The following THSD7A variants were observed in gnomAD, a reference collection of about 807,000 sequenced individuals.
THSD7A encodes thrombospondin type 1 domain containing 7A.
THSD7A carries 96 observed loss-of-function variants against 231.3 expected under a neutral mutation model. That is an observed-to-expected ratio of 0.41 (90% CI 0.35 to 0.49). THSD7A has a LOEUF of 0.49. Among genes scored for constraint, THSD7A ranks in the 20% least tolerant of loss-of-function variants. The pLI is 0.05. For missense variants in THSD7A, 2,290 were observed against 2,070.2 expected (o/e 1.11, Z -2.06); for synonymous variants, 940 against 743.3 (o/e 1.26, Z -4.30).
chr7:11,749,671 G>A (rs983432058), intron 1 of THSD7A, among the ~76,000 whole-genome samples: 1 of 151,954 alleles, frequency 6.6e-6, no homozygotes, highest in Non-Finnish European at 1.5e-5. Flanking sequence ...GTCGTGATAA[G>A]TCCCTTGTAG....
chr7:11,686,362 A>T (rs992923602), intron 1 of THSD7A, among the ~76,000 whole-genome samples: 9 of 151,912 alleles, frequency 5.9e-5, no homozygotes, highest in African/African-American at 1.4e-4. Context: ...GCTATTAAAA[A>T]TTTTAACATA....
At chr7:11,698,177 A>G (rs1157529273) in intron 1 of THSD7A, among the ~76,000 whole-genome samples, 2 of 151,434 alleles carry the variant, frequency 1.3e-5, no homozygotes, top group Non-Finnish European at 3.0e-5. Flanking sequence ...ATTTCTTTGT[A>G]AAATAGTTTC....
chr7:11,734,995 T>C (rs1781863508), intron 1 of THSD7A, among the ~76,000 whole-genome samples: 1 of 151,918 alleles, frequency 6.6e-6, no homozygotes, highest in Admixed American at 6.6e-5. Flanking sequence ...CCTATATAAG[T>C]TGTAACATTT....
chr7:11,517,962 G>T (rs569281814), intron 6 of THSD7A, among the ~76,000 whole-genome samples: 1 of 152,246 alleles, frequency 6.6e-6, no homozygotes, highest in Admixed American at 6.5e-5. Context: ...CAGACACATT[G>T]TCTGCTCAGG....
chr7:11,604,077 A>G (rs2128345844), intron 2 of THSD7A, among the ~76,000 whole-genome samples: 1 of 152,256 alleles, frequency 6.6e-6, no homozygotes, highest in African/African-American at 2.4e-5. Context: ...TGATAACATT[A>G]GTATTTACAA....
At chr7:11,507,533 G>A (rs891691191) in intron 6 of THSD7A, among the ~76,000 whole-genome samples, 8 of 150,316 alleles carry the variant, frequency 5.3e-5, no homozygotes, top group African/African-American at 1.7e-4. Context: ...CCTTATTTAG[G>A]ATTATTTAAT....
chr7:11,618,522 C>A (rs769675975), intron 2 of THSD7A, among the ~76,000 whole-genome samples: 15 of 151,938 alleles, frequency 9.9e-5, no homozygotes, highest in South Asian at 6.2e-4. Context: ...AAGAATAGGG[C>A]GGGGCGCGGT....
At chr7:11,699,665 C>T (rs529375366) in intron 1 of THSD7A, among the ~76,000 whole-genome samples, 1 of 151,360 alleles carries the variant, frequency 6.6e-6, no homozygotes, top group South Asian at 2.1e-4. Flanking sequence ...GTTGCATATA[C>T]ATTTTTTAAG....
At chr7:11,726,904 C>G (rs1415732265) in intron 1 of THSD7A, among the ~76,000 whole-genome samples, 1 of 151,886 alleles carries the variant, frequency 6.6e-6, no homozygotes, top group African/African-American at 2.4e-5. Flanking sequence ...TTCCTCAGGT[C>G]CTGGCCCAGT....
At chr7:11,813,732 T>G (rs1275458837) in intron 1 of THSD7A, among the ~76,000 whole-genome samples, 1 of 148,944 alleles carries the variant, frequency 6.7e-6, no homozygotes, top group Non-Finnish European at 1.5e-5. Flanking sequence ...ATAATAATAA[T>G]AATAATAATA....
At chr7:11,531,878 A>C (rs1399135513) in intron 6 of THSD7A, among the ~76,000 whole-genome samples, 1 of 152,200 alleles carries the variant, frequency 6.6e-6, no homozygotes, top group Admixed American at 6.5e-5. Flanking sequence ...TATAGGAAAC[A>C]GAGGAAGTAG....
At chr7:11,480,569 C>CT (rs927222790) in intron 7 of THSD7A, among the ~76,000 whole-genome samples, 196 of 151,222 alleles carry the variant, frequency 1.3e-3, no homozygotes, top group African/African-American at 4.3e-3. Context: ...AATAGATACA[C>CT]TTTTTTTTTG....
At chr7:11,512,604 TA>T (rs1398752005) in intron 6 of THSD7A, among the ~76,000 whole-genome samples, 6 of 151,728 alleles carry the variant, frequency 4.0e-5, no homozygotes, top group South Asian at 2.1e-4. Flanking sequence ...TATGCAGCCA[TA>T]AAAAAAGATG....
chr7:11,615,221 C>G (rs987669830), intron 2 of THSD7A, among the ~76,000 whole-genome samples: 1 of 152,144 alleles, frequency 6.6e-6, no homozygotes, highest in African/African-American at 2.4e-5. Context: ...TGTATGCAAC[C>G]AAGGGACATG....
intron 23 of THSD7A, among the ~76,000 whole-genome samples, chr7:11,391,740 G>T (rs898252513): frequency 6.6e-6 from 1 of 152,188 alleles, no homozygotes; most frequent in East Asian, 1.9e-4. Context: ...GGGCCCTGGT[G>T]GCGGAGGCAC....
intron 22 of THSD7A, 37 bp from the exon 23 acceptor site, chr7:11,402,005 A>G: frequency 6.3e-7 from 1 of 1,581,820 alleles, no homozygotes; most frequent in Non-Finnish European, 8.6e-7. Context: ...ACCCATATCC[A>G]CAGAGAAAAG....
chr7:11,656,417 G>T (rs990560938), intron 1 of THSD7A, among the ~76,000 whole-genome samples: 4 of 151,778 alleles, frequency 2.6e-5, no homozygotes, highest in African/African-American at 9.7e-5. Flanking sequence ...GGTCATAGGG[G>T]CTCACAGTTC....
At chr7:11,484,961 G>A (rs1786593488) in intron 6 of THSD7A, among the ~76,000 whole-genome samples, 1 of 137,036 alleles carries the variant, frequency 7.3e-6, no homozygotes, top group South Asian at 2.4e-4. Flanking sequence ...TGAGATCTTG[G>A]CTTACTGCAA....
At position 11,379,234 on chromosome 7, in the gene THSD7A, G is replaced by T; in HGVS notation, c.4637C>A (p.Ser1546Tyr). 6.2e-7 allele frequency: 1 copy of T among 1,613,654 alleles called. No individual in the cohort carries two copies. The highest frequency in any genetic ancestry group is 8.5e-7 in the Non-Finnish European group (1 of 1,179,640). Residue 1546 changes from serine (S) to tyrosine (Y), a missense_variant, in exon 26 of 28, where the codon TCT (serine) becomes TAT (tyrosine). Physicochemically the swap from Ser to Tyr is moderately radical, Grantham distance 144 (BLOSUM62 -2). Coordinates refer to ENST00000423059, the MANE Select transcript of THSD7A (RefSeq NM_015204.3). ...TGTGCATTGCTCAAGGGTGCTGTTA[G>T]AAGACATGACTTCAGTGTACCCTTC... ...CEEGYTEVMS[S>Y]NSTLEQCTLI...
Sources: allele counts gnomAD v4.1 joint callset (sites outside exome capture counted in the v4.1 genomes callset), GRCh38; gene constraint gnomAD v4.1.1; transcripts MANE v1.5; gene names NCBI Gene and HGNC (gene_info 2026-07-23, HGNC 2026-07-21).